Variants in SCAMP1 observed in about 807,000 individuals in gnomAD.
The protein encoded by SCAMP1 is secretory carrier membrane protein 1.
In SCAMP1, 15 loss-of-function variants were observed where a neutral mutation model predicts 41.8. That is an observed-to-expected ratio of 0.36 (90% CI 0.24 to 0.55). The LOEUF is 0.55. SCAMP1 is among the 20% of genes least tolerant of loss of function. The pLI is 0.86. For missense variants in SCAMP1, 341 were observed against 412.6 expected (o/e 0.83, Z 1.50); for synonymous variants, 135 against 136.8 (o/e 0.99, Z 0.09).
intron 7 of SCAMP1, among the ~76,000 whole-genome samples, chr5:78,456,656 A>G (rs961122997): frequency 1.3e-4 from 19 of 150,224 alleles, no homozygotes; most frequent in Admixed American, 1.1e-3. Flanking sequence ...TCTGACAATA[A>G]TGTGTCTTGG....
intron 2 of SCAMP1, among the ~76,000 whole-genome samples, chr5:78,403,884 G>A (rs1266376137): frequency 7.6e-6 from 1 of 132,218 alleles, no homozygotes; most frequent in Non-Finnish European, 1.6e-5. Context: ...AGAATTGTTT[G>A]AACCCAGGAG....
At chr5:78,415,649 T>C (rs1464269369) in intron 3 of SCAMP1, 31 bp downstream of exon 3, 1 of 1,298,742 alleles carries the variant, frequency 7.7e-7, no homozygotes. Context: ...TAAATTCATA[T>C]TGGCCATTAT....
intron 3 of SCAMP1, 62 bp from the exon 4 acceptor site, chr5:78,416,479 A>G: frequency 8.0e-7 from 1 of 1,250,890 alleles, no homozygotes; most frequent in Non-Finnish European, 1.1e-6. Flanking sequence ...GAGTTAGCAT[A>G]TAAATGTTAA....
At chr5:78,469,967 A>G (rs1422638897) in intron 8 of SCAMP1, among the ~76,000 whole-genome samples, 1 of 141,794 alleles carries the variant, frequency 7.1e-6, no homozygotes, top group Non-Finnish European at 1.5e-5. Context: ...GTGTGAGTTT[A>G]TTGTCCTAGC....
chr5:78,452,742 A>G (rs1255459735), intron 7 of SCAMP1, among the ~76,000 whole-genome samples: 4 of 149,350 alleles, frequency 2.7e-5, no homozygotes, highest in Admixed American at 6.6e-5. Flanking sequence ...TTCTAGTTCT[A>G]GATCCCTGAG....
At chr5:78,412,220 T>C (rs530254132) in intron 2 of SCAMP1, among the ~76,000 whole-genome samples, 108 of 152,248 alleles carry the variant, frequency 7.1e-4, no homozygotes, top group Non-Finnish European at 1.3e-3. Context: ...ATCAAATTTC[T>C]AAATTTTTAT....
At chr5:78,457,173 C>G (rs1237287497) in intron 7 of SCAMP1, among the ~76,000 whole-genome samples, 1 of 149,990 alleles carries the variant, frequency 6.7e-6, no homozygotes, top group African/African-American at 2.5e-5. Flanking sequence ...CTGAAGCCTT[C>G]TTCTCTCAAC....
At chr5:78,409,985 G>A (rs1195781741) in intron 2 of SCAMP1, among the ~76,000 whole-genome samples, 1 of 151,986 alleles carries the variant, frequency 6.6e-6, no homozygotes, top group Non-Finnish European at 1.5e-5. Flanking sequence ...CAGGGCTTTG[G>A]GGCGATGCTT....
At chr5:78,370,645 A>G (rs893835796) in intron 1 of SCAMP1, 2 of 152,214 alleles carry the variant, frequency 1.3e-5, no homozygotes, top group Non-Finnish European at 2.9e-5. Flanking sequence ...ACATTCCTGT[A>G]CAAGTGTTCT....
intron 2 of SCAMP1, among the ~76,000 whole-genome samples, 163 bp downstream of exon 2, chr5:78,389,077 T>G (rs1165383072): frequency 1.3e-5 from 2 of 152,182 alleles, no homozygotes; most frequent in African/African-American, 2.4e-5. Flanking sequence ...TGTAGAAATA[T>G]TAGTAGTAAT....
rs377264485 is a variant in SCAMP1 at position 78,413,770 on chromosome 5, C to G, written c.136-1750C>G. On this transcript the variant is annotated intron_variant, in intron 2 of 8. Coordinates refer to ENST00000621999, the MANE Select transcript of SCAMP1 (RefSeq NM_004866.6). ...AGAATCAGCTGAACTACAGTTATAT[C>G]TTTGGTTATGCGTGGCTTCCTTTTC... is the stretch of plus-strand genomic sequence containing the variant. Among the ~76,000 whole-genome samples the G allele has an allele frequency of 5.9e-5, 9 of 152,248 alleles. No homozygotes were observed. The East Asian group carries it at 1.7e-3, about 29-fold the overall frequency.
chr5:78,460,593 T>TG (rs1561286863), intron 8 of SCAMP1, among the ~76,000 whole-genome samples: 4,328 of 150,116 alleles, frequency 0.029, 257 homozygotes, highest in African/African-American at 0.098. Context: ...TTTAATGGGG[T>TG]TTTTTTTTTC....
chr5:78,439,647 ATTT>A (rs1752866977), intron 6 of SCAMP1, among the ~76,000 whole-genome samples: 1 of 151,890 alleles, frequency 6.6e-6, no homozygotes, highest in Admixed American at 6.6e-5. Context: ...TGCCCTTTAC[ATTT>A]TTTCCTTCAT....
chr5:78,372,099 A>G (rs892828713), intron 1 of SCAMP1, among the ~76,000 whole-genome samples: 4 of 152,222 alleles, frequency 2.6e-5, no homozygotes, highest in African/African-American at 9.6e-5. Context: ...CGTAACAAAT[A>G]CTTTAAGTTC....
intron 1 of SCAMP1, among the ~76,000 whole-genome samples, chr5:78,362,880 A>G (rs1750692303): frequency 1.4e-5 from 2 of 144,170 alleles, no homozygotes; most frequent in Admixed American, 1.4e-4. Context: ...CTTTATGATC[A>G]TTTTTCTTTT....
intron 8 of SCAMP1, among the ~76,000 whole-genome samples, chr5:78,466,924 C>T (rs1432297080): frequency 6.6e-6 from 1 of 152,040 alleles, no homozygotes; most frequent in African/African-American, 2.4e-5. Context: ...AAGGATTAAT[C>T]CAACTGGGCC....
intron 4 of SCAMP1, among the ~76,000 whole-genome samples, chr5:78,417,966 C>T (rs1277730194): frequency 2.0e-5 from 3 of 152,030 alleles, no homozygotes; most frequent in Admixed American, 6.5e-5. Flanking sequence ...CATCTAAAAT[C>T]GGGAAATGGC....
intron 8 of SCAMP1, among the ~76,000 whole-genome samples, chr5:78,459,862 A>G (rs1753540711): frequency 6.6e-6 from 1 of 152,084 alleles, no homozygotes; most frequent in South Asian, 2.1e-4. Flanking sequence ...TGAACCCATC[A>G]CCCAAATAGT....
chr5:78,370,205 G>T (rs571311112), intron 1 of SCAMP1, among the ~76,000 whole-genome samples: 14 of 152,330 alleles, frequency 9.2e-5, no homozygotes, highest in African/African-American at 3.1e-4. Flanking sequence ...TGCCAAAAGG[G>T]TGATAGAGTT....
Sources: gnomAD v4.1 joint callset for allele counts (sites outside exome capture counted in the v4.1 genomes callset) on GRCh38, gnomAD v4.1.1 for gene constraint, MANE v1.5 for transcripts, NCBI Gene and HGNC (gene_info 2026-07-23, HGNC 2026-07-21) for gene names.